The following SLC52A3 variants were observed in gnomAD, a reference collection of about 807,000 sequenced individuals.
The protein encoded by SLC52A3 is solute carrier family 52, riboflavin transporter, member 3.
Under a neutral mutation model 29.5 loss-of-function variants are expected in SLC52A3, and 20 were observed. The ratio of observed to expected loss-of-function variants is 0.68; its 90% CI spans 0.48 to 0.99. The LOEUF is 0.99. Ranked by LOEUF, SLC52A3 falls within the 50% of genes least tolerant of loss-of-function variation. The probability of loss-of-function intolerance (pLI) is 0.00; values close to 1 mark genes in which losing one functional copy is unlikely to be tolerated. For synonymous variants in SLC52A3, 301 were observed against 271.0 expected, an observed-to-expected ratio of 1.11 and a Z score of -1.09; for missense variants, 548 against 612.9, an observed-to-expected ratio of 0.89 and a Z score of 1.12.
Position 761,134 on chromosome 20 carries a change from C to T in SLC52A3, c.1302G>A (p.Ala434=). The T allele has an allele frequency of 6.3e-7, 1 of 1,593,262 alleles. No homozygotes were observed. The highest frequency in any genetic ancestry group is 8.5e-7 in the Non-Finnish European group (1 of 1,171,156). Reference sequence around the variant, plus strand: ...CGAGCAGCGAGCCCAGCTGCACCGCCGCCCCGCACCACAAGAGGGCGCTGC... The same window carrying T: ...CGAGCAGCGAGCCCAGCTGCACCGCTGCCCCGCACCACAAGAGGGCGCTGC... ...LSRSALLWCG[A]AVQLGSLLGA... Residue 434 remains alanine, a synonymous_variant, in exon 5 of 5, where the codon GCG becomes GCA. Transcript: ENST00000645534.
chr20:761,654 G>A (rs763435857), intron 4 of SLC52A3, 47 bp downstream of exon 4: 15 of 1,610,330 alleles, frequency 9.3e-6, no homozygotes, highest in Non-Finnish European at 1.2e-5. Flanking sequence ...CCTTGGCTAG[G>A]GGTGAGGGGT....
At position 761,723 on chromosome 20, in the gene SLC52A3, T is replaced by C. The variant is rs772154751; in HGVS notation, c.1175A>G (p.His392Arg). 2.5e-6 allele frequency: 4 copies of C among 1,613,888 alleles called. No individual in the cohort carries two copies. Among genetic ancestry groups the C allele is most frequent in the South Asian group, 2.2e-5 (2 of 91,044 alleles). ...CACAATGAGGACTTCCCCACCCCAG[T>C]GGCCCTGCAAGAGGGGGCAGGGGCT... The part of the protein sequence containing the change: ...VMSPCPLLQG[H>R]WGGEVLIVAS... Residue 392 changes from histidine (H) to arginine (R), a missense_variant, in exon 4 of 5, where the codon CAC (histidine) becomes CGC (arginine). Physicochemically the swap from His to Arg is conservative, Grantham distance 29 (BLOSUM62 0). This residue lies in a region of SLC52A3 where 173 missense variants were observed against 141.8 expected (regional missense o/e 1.22). Transcript: ENST00000645534.
chr20:774,802 A>C (rs1011046725), intron 1 of SLC52A3, among the ~76,000 whole-genome samples: 9 of 152,168 alleles, frequency 5.9e-5, no homozygotes, highest in African/African-American at 2.2e-4. Flanking sequence ...CAGGTGGGGA[A>C]ACCAAGGCCC....
intron 2 of SLC52A3, 53 bp from the exon 3 acceptor site, chr20:764,056 C>T (rs1986592237): frequency 3.4e-6 from 5 of 1,471,558 alleles, no homozygotes; most frequent in Admixed American, 4.1e-5. Flanking sequence ...GGCTGCAGAA[C>T]AACAATCATG....
intron 3 of SLC52A3, among the ~76,000 whole-genome samples, chr20:762,141 T>A (rs1986512477): frequency 6.6e-6 from 1 of 152,170 alleles, no homozygotes; most frequent in Admixed American, 6.5e-5. Context: ...AAATCGGAGT[T>A]TTGCAAGGCT....
rs763958003 is a variant in SLC52A3 at position 763,462 on chromosome 20, C to G, written c.1073+36G>C. ...TCTGGGTTCTGAAATGAAGTGTTCC[C>G]CCACTAGGATTCCCTAGGACCAGAT... On this transcript the variant is annotated intron_variant, in intron 3 of 4. Coordinates refer to ENST00000645534, the MANE Select transcript of SLC52A3 (RefSeq NM_033409.4). 3.7e-6 allele frequency: 6 copies of G among 1,613,164 alleles called. No individual in the cohort carries two copies. In the South Asian group the frequency reaches 6.6e-5, roughly 18 times the overall value.
rs1210434851 is a variant in SLC52A3 at position 763,520 on chromosome 20, C to A, written c.1051G>T (p.Val351Phe). ...CACCTGTTAGGCAGGAACATGGAGA[C>A]CAACGAGGCAAGAGGGTTGGCCACA... ...SIVANPLASL[V>F]SMFLPNRSLL... The change falls in exon 3 of 5, where the codon GTC (valine) becomes TTC (phenylalanine). Residue 351 changes from valine to phenylalanine, a missense_variant. Val to Phe is a conservative substitution (Grantham distance 50). Coordinates refer to ENST00000645534, the MANE Select transcript of SLC52A3 (RefSeq NM_033409.4). 1 of 1,614,036 alleles carries A rather than the reference C, an allele frequency of 6.2e-7. No homozygotes were observed. The highest frequency in any genetic ancestry group is 2.2e-5 in the East Asian group (1 of 44,880).
In SLC52A3 at chr20:761,877, C is replaced by T. The variant is rs878858261; in HGVS notation, c.1074-53G>A. 2.5e-5 allele frequency: 40 copies of T among 1,612,960 alleles called. No homozygotes were observed. The South Asian group carries it at 3.9e-4, about 16-fold the overall frequency. On this transcript the variant is annotated intron_variant, in intron 3 of 4. Transcript: ENST00000645534. Reference sequence around the variant, plus strand: ...AGGTGAGAAGCCTGACCTCTGACCCCCCCGCCCCACTGGGCGGCATGTGGA... The same window carrying T: ...AGGTGAGAAGCCTGACCTCTGACCCTCCCGCCCCACTGGGCGGCATGTGGA...
rs1053018 is a variant in SLC52A3 at position 760,189 on chromosome 20, G to C, written c.*837C>G. 0.1 allele frequency: 15,714 copies of C among 152,228 alleles called. 886 individuals carry two copies. The highest frequency in any genetic ancestry group is 0.11 in the African/African-American group (4,633 of 41,530). 9.4% of individuals were successfully genotyped at this position (152,228 alleles called of 1,614,324 possible). On this transcript the variant is annotated 3_prime_UTR_variant, in exon 5 of 5. Transcript: ENST00000645534. The surrounding 1 kb of genome is among the most constrained non-coding windows in gnomAD (Gnocchi z 4.9). ...GAGAATACTTCCAGGGGCTCTGCATGTCTGGTCCCCAACCTGGTCGGGGAG... is the reference window on the plus strand; with the variant it reads ...GAGAATACTTCCAGGGGCTCTGCATCTCTGGTCCCCAACCTGGTCGGGGAG...
chr20:774,041 C>T (rs6054688), intron 1 of SLC52A3, among the ~76,000 whole-genome samples: 1 of 152,218 alleles, frequency 6.6e-6, no homozygotes, highest in Non-Finnish European at 1.5e-5. Context: ...CTGGTCTCTC[C>T]CATTGGAGTG....
At chr20:777,303 C>A (rs1361571462), upstream of SLC52A3, among the ~76,000 whole-genome samples, 1 of 151,772 alleles carries the variant, frequency 6.6e-6, no homozygotes, top group African/African-American at 2.4e-5. Flanking sequence ...AAAGATATCT[C>A]AAAAGGCCAA....
chr20:772,824 C>A (rs657499), upstream of SLC52A3, among the ~76,000 whole-genome samples: 121,750 of 152,082 alleles, frequency 0.8, 49,635 homozygotes, highest in East Asian at 0.99. Flanking sequence ...GGGAATGTGC[C>A]GCTGTCAAGG....
chr20:767,211 A>G (rs1162590134), intron 1 of SLC52A3, among the ~76,000 whole-genome samples: 3 of 152,196 alleles, frequency 2.0e-5, no homozygotes, highest in Admixed American at 2.0e-4. Flanking sequence ...AAACAAAATC[A>G]AGGCAGGTAA....
rs1359318796 is a variant in SLC52A3 at position 761,201 on chromosome 20, T to C, written c.1235A>G (p.Tyr412Cys). ...GACCACGCCCAGCATCACCTTGACG[T>C]AACTGAGGCAGCCGCTGAAAAGCAC... ...SWVLFSGCLSYVKVMLGVVLR... is the reference protein window; with the variant it reads ...SWVLFSGCLSCVKVMLGVVLR... Residue 412 changes from tyrosine (Y) to cysteine (C), a missense_variant, in exon 5 of 5, where the codon TAC becomes TGC. Tyr to Cys is a radical substitution (Grantham distance 194, BLOSUM62 -2). Around this residue, in one of 2 missense-constraint regions of SLC52A3, gnomAD observed 173 missense variants for 141.8 expected, o/e 1.22. Transcript: ENST00000645534. The C allele has an allele frequency of 6.4e-7, 1 of 1,562,566 alleles. No homozygotes were observed. Among genetic ancestry groups the C allele is most frequent in the South Asian group, 1.2e-5 (1 of 85,112 alleles).
upstream of SLC52A3, among the ~76,000 whole-genome samples, chr20:772,678 C>T (rs1986880608): frequency 6.6e-6 from 1 of 151,756 alleles, no homozygotes; most frequent in Non-Finnish European, 1.5e-5. Context: ...ATTTCTTGGG[C>T]ACCAACTGTG....
At chr20:762,897 T>C (rs1193385959) in intron 3 of SLC52A3, among the ~76,000 whole-genome samples, 1 of 152,110 alleles carries the variant, frequency 6.6e-6, no homozygotes, top group African/African-American at 2.4e-5. Flanking sequence ...CCTACAGGGG[T>C]CTGAAGCCCC....
upstream of SLC52A3, among the ~76,000 whole-genome samples, chr20:776,589 A>G (rs1003399435): frequency 2.0e-5 from 3 of 152,180 alleles, no homozygotes; most frequent in Non-Finnish European, 4.4e-5. Flanking sequence ...TCTCTGATGC[A>G]CACTGAGCTA....
At position 768,282 on chromosome 20, in the gene SLC52A3, A is replaced by G. The variant is rs1385702186; in HGVS notation, c.-52+15T>C. 1.3e-5 allele frequency: 2 copies of G among 152,228 alleles called. No homozygotes were observed. Among genetic ancestry groups the G allele is most frequent in the Non-Finnish European group, 2.9e-5 (2 of 68,048 alleles). The allele number at this position is 152,228 out of a possible 1,614,324, so 9.4% of individuals were successfully genotyped here. A position where few individuals can be genotyped will look rare whatever the true frequency, so the allele number is the denominator to read the frequency against. ...AAAGGAAAAGATTCCCCTACTAGGT[A>G]TCAAGTGAACTCACCAGTGGTATAT... On this transcript the variant is annotated intron_variant, in intron 1 of 4. Transcript: ENST00000645534.
chr20:777,185 G>A (rs1266684296), upstream of SLC52A3, among the ~76,000 whole-genome samples: 1 of 151,876 alleles, frequency 6.6e-6, no homozygotes, highest in East Asian at 1.9e-4. Flanking sequence ...GCAGTGAGCC[G>A]AGATCGCGCC....
Sources: gnomAD v4.1 joint callset for allele counts (sites outside exome capture counted in the v4.1 genomes callset) on GRCh38, gnomAD v4.1.1 for gene constraint, gnomAD v4.1.1 regional missense constraint, Gnocchi (gnomAD v3.1) non-coding constraint, MANE v1.5 for transcripts, NCBI Gene and HGNC (gene_info 2026-07-23, HGNC 2026-07-21) for gene names.